The following NLRP7 variants were observed in gnomAD, a reference collection of about 807,000 sequenced individuals.
NLRP7 encodes the protein NACHT, LRR and PYD domains-containing protein 7.
In NLRP7, 72 loss-of-function variants were observed where a neutral mutation model predicts 85.5. The observed-to-expected ratio is 0.84, with a 90% CI of 0.70 to 1.02. The LOEUF is 1.02. Among genes scored for constraint, NLRP7 ranks in the 50% least tolerant of loss-of-function variants. The probability of loss-of-function intolerance (pLI) is 0.00; values close to 1 mark genes in which losing one functional copy is unlikely to be tolerated. For missense variants in NLRP7, 1,243 were observed against 1,219.5 expected (o/e 1.02, Z -0.29); for synonymous variants, 550 against 505.2 (o/e 1.09, Z -1.19).
At chr19:54,938,677 G>A (rs972277808) in intron 4 of NLRP7, among the ~76,000 whole-genome samples, 1 of 152,212 alleles carries the variant, frequency 6.6e-6, no homozygotes, top group Non-Finnish European at 1.5e-5. Flanking sequence ...AGTGAGCCAA[G>A]ATCGCGCCAC....
chr19:54,931,527 A>G (rs2068676463), intron 8 of NLRP7, among the ~76,000 whole-genome samples: 1 of 152,072 alleles, frequency 6.6e-6, no homozygotes, highest in Non-Finnish European at 1.5e-5. Context: ...CGTCTCTACT[A>G]AAAATACAAA....
chr19:54,953,681 G>T (rs2069749289), intron 1 of NLRP7, among the ~76,000 whole-genome samples: 1 of 151,752 alleles, frequency 6.6e-6, no homozygotes, highest in Non-Finnish European at 1.5e-5. Flanking sequence ...AAGACAATAT[G>T]AGGGGTGGTC....
chr19:54,931,044 A>G (rs2068656708), intron 8 of NLRP7, among the ~76,000 whole-genome samples: 1 of 152,136 alleles, frequency 6.6e-6, no homozygotes, highest in Non-Finnish European at 1.5e-5. Context: ...AACAACAACA[A>G]AAAGTATTTA....
rs775878 is a variant in NLRP7 at position 54,937,731 on chromosome 19, G to C, written c.2129+313C>G. On this transcript the variant is annotated intron_variant, in intron 5 of 9. Coordinates refer to ENST00000340844, the Ensembl canonical transcript of NLRP7. ...TGGGCAACACGGTGAAAACCTGTCT[G>C]TGCTAAAAGTACAAAATTAGCCGGG... Among the ~76,000 whole-genome samples, 66,465 of 151,474 alleles carry C rather than the reference G, an allele frequency of 0.44. 16,001 individuals are homozygous for C. The highest frequency in any genetic ancestry group is 0.64 in the African/African-American group (26,468 of 41,312).
chr19:54,951,986 T>C (rs1008695991), upstream of NLRP7, among the ~76,000 whole-genome samples: 17 of 152,044 alleles, frequency 1.1e-4, no homozygotes, highest in Admixed American at 4.6e-4. Context: ...TCTCCTGACC[T>C]CGTGATCCTC....
At chr19:54,941,838 T>G in intron 1 of NLRP7, 88 bp from the exon 2 acceptor site, 1 of 953,482 alleles carries the variant, frequency 1.0e-6, no homozygotes, top group Non-Finnish European at 1.5e-6. Context: ...AGACTGTTCC[T>G]GCTGTACAGT....
chr19:54,958,513 TGCA>T (rs1276330414), intron 1 of NLRP7, among the ~76,000 whole-genome samples: 6 of 151,276 alleles, frequency 4.0e-5, no homozygotes, highest in Admixed American at 3.3e-4. Context: ...GGCATAGTGG[TGCA>T]TGCCTGTAAT....
At chr19:54,941,350 C>G in intron 2 of NLRP7, 85 bp downstream of exon 2, 1 of 1,032,654 alleles carries the variant, frequency 9.7e-7, no homozygotes, top group South Asian at 1.3e-5. Context: ...GCCTTACACT[C>G]CAGCCTGGGC....
At position 54,939,486 on chromosome 19, in the gene NLRP7, G is replaced by A. The variant is rs778044068; in HGVS notation, c.1333C>T (p.Leu445Phe). Residue 445 changes from leucine to phenylalanine, a missense_variant, in exon 4 of 10, where the codon CTC becomes TTC. This residue lies in a region of NLRP7 where 591 missense variants were observed against 563.3 expected (regional missense o/e 1.05). Transcript: ENST00000340844. ...ATGTCTCCGTCCAGGAACAGACGGA[G>A]GTCGGACTCCTGCACCCCGAGCCTT... is the stretch of plus-strand genomic sequence containing the variant. The A allele has an allele frequency of 3.7e-6, 6 of 1,613,768 alleles. No homozygotes were observed. The African/African-American group carries it at 8.0e-5, about 22-fold the overall frequency.
At chr19:54,937,998 T>C (rs1219300555) in intron 5 of NLRP7, 46 bp downstream of exon 5, 5 of 1,423,900 alleles carry the variant, frequency 3.5e-6, no homozygotes, top group Non-Finnish European at 5.0e-6. Context: ...TACAAGAAGC[T>C]TAGTCATCGT....
At chr19:54,944,501 A>G (rs571504181) in intron 1 of NLRP7, among the ~76,000 whole-genome samples, 1 of 152,078 alleles carries the variant, frequency 6.6e-6, no homozygotes, top group South Asian at 2.1e-4. Flanking sequence ...GGTAGAGATA[A>G]TGACCAATAA....
At chr19:54,952,437 AC>A (rs2069699489), upstream of NLRP7, among the ~76,000 whole-genome samples, 1 of 152,062 alleles carries the variant, frequency 6.6e-6, no homozygotes, top group African/African-American at 2.4e-5. Flanking sequence ...TACTAAAAAC[AC>A]AAAAAATTAG....
intron 2 of NLRP7, 29 bp downstream of exon 2, chr19:54,941,406 A>AAAAAAAC (rs2069216273): frequency 7.4e-7 from 1 of 1,349,672 alleles, no homozygotes; most frequent in Non-Finnish European, 1.1e-6. Flanking sequence ...AAAAAAAAAA[A>AAAAAAAC]TGACCAGGAC....
Position 54,923,762 on chromosome 19 carries a change from G to C in NLRP7, c.2921C>G (p.Pro974Arg), listed in dbSNP as rs544375161. ...TGCTCAGCAAAAAAAGTCACAGCAC[G>C]GAGGTGCCGTTGCCCCGGAAGCATT... Residue 974 changes from proline (P) to arginine (R), a missense_variant, in exon 10 of 10, where the codon CCG becomes CGG. By Grantham distance (103) the Pro-to-Arg change is moderately radical (BLOSUM62 -2). Around this residue, in one of 3 missense-constraint regions of NLRP7, gnomAD observed 613 missense variants for 588.4 expected, o/e 1.04. Transcript: ENST00000340844. The C allele has an allele frequency of 1.2e-6, 2 of 1,613,428 alleles. No homozygotes were observed. Among genetic ancestry groups the C allele is most frequent in the Admixed American group, 3.3e-5 (2 of 59,966 alleles).
At chr19:54,939,007 C>G (rs370010613) in exon 4 of NLRP7, 1 of 1,614,098 alleles carries the variant, frequency 6.2e-7, no homozygotes, top group Non-Finnish European at 8.5e-7. Flanking sequence ...AACAATGCAT[C>G]ACTTCAGAAG....
At chr19:54,945,432 A>G (rs939303642) in intron 1 of NLRP7, among the ~76,000 whole-genome samples, 6 of 149,948 alleles carry the variant, frequency 4.0e-5, no homozygotes, top group Non-Finnish European at 8.9e-5. Context: ...CACCACACCT[A>G]ATTTTTTTTG....
At chr19:54,941,484 T>C (rs1314580198) in exon 2 of NLRP7, 10 of 1,613,712 alleles carry the variant, frequency 6.2e-6, no homozygotes, top group Non-Finnish European at 5.9e-6. Context: ...GATTCATCTC[T>C]TCCAAGATGT....
At chr19:54,947,371 C>T (rs915516355) in intron 1 of NLRP7, 98 bp downstream of exon 1, 1 of 893,446 alleles carries the variant, frequency 1.1e-6, no homozygotes. Context: ...TCGCACCAAC[C>T]ATTAAGGCTT....
At chr19:54,930,361 C>T in intron 9 of NLRP7, 138 bp downstream of exon 9, 1 of 673,362 alleles carries the variant, frequency 1.5e-6, no homozygotes, top group Non-Finnish European at 2.7e-6. Context: ...ACTCAGGAGG[C>T]TGAGGTGGGA....
Sources: allele counts gnomAD v4.1 joint callset (sites outside exome capture counted in the v4.1 genomes callset), GRCh38; gene constraint gnomAD v4.1.1; regional missense constraint gnomAD v4.1.1; transcripts MANE v1.5; gene names NCBI Gene and HGNC (gene_info 2026-07-23, HGNC 2026-07-21).